The following ABI3BP variants were observed in gnomAD, a reference collection of about 807,000 sequenced individuals.
ABI3BP encodes the protein ABI family member 3 binding protein.
Under a neutral mutation model 268.6 loss-of-function variants are expected in ABI3BP, and 216 were observed. The ratio of observed to expected loss-of-function variants is 0.80; its 90% CI spans 0.72 to 0.90. The LOEUF is 0.90. ABI3BP is among the 40% of genes least tolerant of loss of function. The pLI is 0.00. For synonymous variants in ABI3BP, 730 were observed against 730.0 expected (o/e 1.00, Z 0.00); for missense variants, 2,090 against 2,182.4 (o/e 0.96, Z 0.84).
chr3:100,773,850 A>G (rs1212948809), intron 61 of ABI3BP, among the ~76,000 whole-genome samples: 2 of 152,262 alleles, frequency 1.3e-5, no homozygotes, highest in Admixed American at 1.3e-4. Flanking sequence ...AAAAGAGTTC[A>G]TACTGTATGT....
intron 4 of ABI3BP, among the ~76,000 whole-genome samples, chr3:100,895,391 T>C (rs899589909): frequency 6.6e-6 from 1 of 152,144 alleles, no homozygotes; most frequent in African/African-American, 2.4e-5. Flanking sequence ...CATTGATACT[T>C]CCAAGCTAAA....
intron 63 of ABI3BP, 135 bp from the exon 64 acceptor site, chr3:100,754,826 G>A: frequency 1.4e-6 from 1 of 729,732 alleles, no homozygotes; most frequent in Non-Finnish European, 2.3e-6. Flanking sequence ...ATATGTTCCA[G>A]AAGCAGGTTG....
Position 100,834,735 on chromosome 3 carries a change from G to A in ABI3BP, c.2230C>T (p.Arg744Cys), listed in dbSNP as rs756801597. Residue 744 changes from arginine to cysteine, a missense_variant, in exon 29 of 68, where the codon CGT (arginine) becomes TGT (cysteine). Arg to Cys is a radical substitution (Grantham distance 180). Transcript: ENST00000471714. ...TSQRTRTRRP[R>C]PKHKTTPRPE... ...CGTGGCGTGGTTTTATGTTTGGGAC[G>A]TGGACGACGTGTTCTTGTTCGTTGC... is the stretch of plus-strand genomic sequence containing the variant. The A allele has an allele frequency of 2.7e-5, 41 of 1,535,650 alleles. 1 individual carries two copies. Among genetic ancestry groups the A allele is most frequent in the African/African-American group, 1.1e-4 (8 of 73,008 alleles).
intron 62 of ABI3BP, among the ~76,000 whole-genome samples, chr3:100,768,417 A>T (rs2096408492): frequency 2.6e-5 from 4 of 151,982 alleles, no homozygotes; most frequent in Admixed American, 2.0e-4. Context: ...TGATTTAATA[A>T]TTTTTTTTAT....
intron 38 of ABI3BP, among the ~76,000 whole-genome samples, chr3:100,821,385 G>A (rs75029493): frequency 0.032 from 4,835 of 152,124 alleles, 107 homozygotes; most frequent in Non-Finnish European, 0.051. Context: ...CTCATCTTTG[G>A]AAAGAGACGG....
intron 1 of ABI3BP, among the ~76,000 whole-genome samples, chr3:100,966,505 A>C (rs1195179868): frequency 6.6e-6 from 1 of 152,224 alleles, no homozygotes; most frequent in Non-Finnish European, 1.5e-5. Flanking sequence ...TTTTACAGAA[A>C]AATTTTGCTG....
Position 100,946,165 on chromosome 3 carries a change from A to G in ABI3BP, c.80-19684T>C, listed in dbSNP as rs149519615. Among the ~76,000 whole-genome samples the G allele has an allele frequency of 2.2e-3, 339 of 151,646 alleles. 1 individual carries two copies. The highest frequency in any genetic ancestry group is 7.9e-3 in the African/African-American group (326 of 41,344). ...GTGGGCAGATCACCTGAGGTCAGGC[A>G]TTCGAGACCAGCCTGGGCAACATGG... On this transcript the variant is annotated intron_variant, in intron 1 of 67. Transcript: ENST00000471714.
intron 6 of ABI3BP, among the ~76,000 whole-genome samples, chr3:100,878,628 T>C (rs2099188817): frequency 6.6e-6 from 1 of 152,230 alleles, no homozygotes; most frequent in Non-Finnish European, 1.5e-5. Context: ...TTTGCAGTTA[T>C]ATGGGCAGGA....
At chr3:100,948,887 A>G (rs2153745907) in intron 1 of ABI3BP, among the ~76,000 whole-genome samples, 1 of 152,336 alleles carries the variant, frequency 6.6e-6, no homozygotes, top group East Asian at 1.9e-4. Context: ...AGCATTTGGG[A>G]TACTCAACTT....
chr3:100,800,541 T>C (rs1378916618), intron 51 of ABI3BP, among the ~76,000 whole-genome samples: 1 of 151,870 alleles, frequency 6.6e-6, no homozygotes, highest in Non-Finnish European at 1.5e-5. Context: ...TGGTGTGATC[T>C]CGGCTCACTG....
chr3:100,820,084 A>T, intron 40 of ABI3BP, 136 bp downstream of exon 40: 2 of 705,532 alleles, frequency 2.8e-6, no homozygotes, highest in Non-Finnish European at 2.3e-6. Flanking sequence ...CTAACTCAAC[A>T]GGGGGAGCAG....
intron 63 of ABI3BP, among the ~76,000 whole-genome samples, chr3:100,762,774 G>C (rs991375288): frequency 1.3e-5 from 2 of 152,168 alleles, no homozygotes; most frequent in African/African-American, 4.8e-5. Context: ...TCGGAGGCTA[G>C]GATCTATTGA....
intron 35 of ABI3BP, 131 bp downstream of exon 35, chr3:100,825,654 T>C (rs887010448): frequency 1.4e-6 from 1 of 720,864 alleles, no homozygotes; most frequent in Non-Finnish European, 2.3e-6. Flanking sequence ...AATAGTTGAA[T>C]GGTCACAGGC....
At chr3:100,860,692 G>A (rs949167993) in intron 14 of ABI3BP, among the ~76,000 whole-genome samples, 2 of 152,114 alleles carry the variant, frequency 1.3e-5, no homozygotes, top group Admixed American at 1.3e-4. Context: ...TTTCCTTGAT[G>A]TTTTGGTTAG....
In ABI3BP at chr3:100,833,793, C is replaced by T. The variant is rs552753335; in HGVS notation, c.2282-636G>A. Among the ~76,000 whole-genome samples, 82 of 152,296 alleles carry T rather than the reference C, an allele frequency of 5.4e-4. 1 individual carries two copies. The South Asian group carries it at 0.013, about 25-fold the overall frequency. ...AATCCAATCATCGAAGTCAGGCATT[C>T]GAAGTGCTCTTTGTAGACCCATCAA... On this transcript the variant is annotated intron_variant, in intron 29 of 67. Coordinates refer to ENST00000471714, the MANE Select transcript of ABI3BP (RefSeq NM_001375547.2).
chr3:100,774,668 T>C lies in ABI3BP; in HGVS notation c.4468A>G (p.Ile1490Val). The change falls in exon 61 of 68, where the codon ATA (isoleucine) becomes GTA (valine). Residue 1490 changes from isoleucine to valine, a missense_variant. Ile to Val is a conservative substitution (Grantham distance 29). Transcript: ENST00000471714. ...GTTGGGCTTGAGCTAAAGTCAGTTATATTTTCTGAGAATGGAAAATAATGA... is the reference window on the plus strand; with the variant it reads ...GTTGGGCTTGAGCTAAAGTCAGTTACATTTTCTGAGAATGGAAAATAATGA... ...VPASGEELEN[I>V]TDFSSSPTRE... 1.3e-6 allele frequency: 2 copies of C among 1,569,986 alleles called. No homozygotes were observed. Among genetic ancestry groups the C allele is most frequent in the Admixed American group, 1.9e-5 (1 of 52,920 alleles).
Position 100,750,478 on chromosome 3 carries a change from G to A in ABI3BP, c.*17C>T. The A allele has an allele frequency of 1.3e-6, 2 of 1,573,844 alleles. No individual in the cohort carries two copies. Among genetic ancestry groups the A allele is most frequent in the Non-Finnish European group, 1.7e-6 (2 of 1,146,432 alleles). On this transcript the variant is annotated 3_prime_UTR_variant, in exon 68 of 68. Coordinates refer to ENST00000471714, the MANE Select transcript of ABI3BP (RefSeq NM_001375547.2). Reference sequence around the variant, plus strand: ...TTTGTTTGCAATGATGAAACAGAAGGTAACTTTGTGCAGCATCTACCATTT... The same window carrying A: ...TTTGTTTGCAATGATGAAACAGAAGATAACTTTGTGCAGCATCTACCATTT...
chr3:100,811,188 G>A, intron 48 of ABI3BP, 42 bp downstream of exon 48: 2 of 1,499,444 alleles, frequency 1.3e-6, no homozygotes, highest in Non-Finnish European at 1.8e-6. Flanking sequence ...TGGTGGCAAT[G>A]AAGACAGAGA....
intron 58 of ABI3BP, 45 bp from the exon 59 acceptor site, chr3:100,778,421 A>G (rs1233103569): frequency 2.0e-6 from 3 of 1,530,876 alleles, no homozygotes; most frequent in South Asian, 2.4e-5. Flanking sequence ...AAGCCATCAT[A>G]AAGATTCATT....
Sources: gnomAD v4.1 joint callset for allele counts (sites outside exome capture counted in the v4.1 genomes callset) on GRCh38, gnomAD v4.1.1 for gene constraint, MANE v1.5 for transcripts, NCBI Gene and HGNC (gene_info 2026-07-23, HGNC 2026-07-21) for gene names.